UBE2E1: variants seen among roughly 807,000 people sequenced by gnomAD.
UBE2E1 encodes the protein ubiquitin conjugating enzyme E2 E1, also known as ubiquitin-conjugating enzyme E2 E1.
In UBE2E1, 6 loss-of-function variants were observed where a neutral mutation model predicts 21.4. The observed-to-expected ratio is 0.28, with a 90% CI of 0.15 to 0.55. The LOEUF is 0.55. Among genes scored for constraint, UBE2E1 ranks in the 20% least tolerant of loss-of-function variants. UBE2E1 has a pLI of 0.93. For missense variants in UBE2E1, 142 were observed against 236.5 expected (o/e 0.60, Z 2.62); for synonymous variants, 87 against 82.7 (o/e 1.05, Z -0.28).
rs140750673 is a variant in UBE2E1 at position 23,879,528 on chromosome 3, G to T, written c.204-8039G>T. 7.9e-4 allele frequency: 259 copies of T among 327,248 alleles called. 2 individuals are homozygous for T. In the East Asian group the frequency reaches 0.015, roughly 19 times the overall value. The allele number at this position is 327,248 out of a possible 1,614,324, so 20.3% of individuals were successfully genotyped here. On this transcript the variant is annotated intron_variant, in intron 3 of 5. Coordinates refer to ENST00000306627, the MANE Select transcript of UBE2E1 (RefSeq NM_003341.5). ...CCACTGCAAATAAATGTCCCAAATT[G>T]AAATGCTTTCTTCTTGCTTTAGAAC...
At chr3:23,859,903 AG>A (rs1365974825) in intron 3 of UBE2E1, among the ~76,000 whole-genome samples, 1 of 152,210 alleles carries the variant, frequency 6.6e-6, no homozygotes, top group Non-Finnish European at 1.5e-5. Flanking sequence ...ATTATTATAA[AG>A]CATATAAGGA....
At chr3:23,878,274 C>G (rs1269236968) in intron 3 of UBE2E1, among the ~76,000 whole-genome samples, 1 of 150,134 alleles carries the variant, frequency 6.7e-6, no homozygotes, top group Non-Finnish European at 1.5e-5. Context: ...GGCAGACAGG[C>G]AAACCAGGCT....
chr3:23,819,492 A>G (rs1299774725), intron 3 of UBE2E1, among the ~76,000 whole-genome samples: 3 of 152,142 alleles, frequency 2.0e-5, no homozygotes, highest in Admixed American at 1.3e-4. Context: ...ATAGAACTGA[A>G]AAGAAGCAGC....
intron 3 of UBE2E1, among the ~76,000 whole-genome samples, chr3:23,833,259 G>C (rs1699906305): frequency 6.6e-6 from 1 of 152,120 alleles, no homozygotes; most frequent in East Asian, 1.9e-4. Context: ...TGTGTTGCTT[G>C]TTCCTAACCT....
At chr3:23,856,382 T>A (rs1387190311) in intron 3 of UBE2E1, among the ~76,000 whole-genome samples, 1 of 152,222 alleles carries the variant, frequency 6.6e-6, no homozygotes, top group Non-Finnish European at 1.5e-5. Flanking sequence ...TGTTAACCCT[T>A]TCTTAAAACA....
At chr3:23,872,265 C>T (rs1207305005) in intron 3 of UBE2E1, among the ~76,000 whole-genome samples, 3 of 151,358 alleles carry the variant, frequency 2.0e-5, no homozygotes, top group South Asian at 2.1e-4. Flanking sequence ...CACAGGCACT[C>T]GGCAGGCTGA....
chr3:23,862,862 G>C (rs1437046176), intron 3 of UBE2E1, among the ~76,000 whole-genome samples: 1 of 151,852 alleles, frequency 6.6e-6, no homozygotes, highest in East Asian at 1.9e-4. Context: ...AGTAGCTGGG[G>C]CTACAGGCAT....
chr3:23,848,483 C>G (rs1349743071), intron 3 of UBE2E1, among the ~76,000 whole-genome samples: 1 of 145,850 alleles, frequency 6.9e-6, no homozygotes, highest in Non-Finnish European at 1.5e-5. Flanking sequence ...AAAAAAAAAA[C>G]AAAAAACAAA....
rs7651138 is a variant in UBE2E1 at position 23,874,331 on chromosome 3, A to G, written c.204-13236A>G. On this transcript the variant is annotated intron_variant, in intron 3 of 5. Coordinates refer to ENST00000306627, the MANE Select transcript of UBE2E1 (RefSeq NM_003341.5). ...TGTGTGGAGGGTAGAGGTGTTAACA[A>G]TACGTTCTCCCCTCAAAAAGTCTGA... is the stretch of plus-strand genomic sequence containing the variant. Among the ~76,000 whole-genome samples the G allele has an allele frequency of 9.2e-3, 1,397 of 152,290 alleles. 24 individuals are homozygous for G. Among genetic ancestry groups the G allele is most frequent in the African/African-American group, 0.031 (1,305 of 41,546 alleles).
chr3:23,807,001 C>G (rs2125277048), intron 1 of UBE2E1: 1 of 308,430 alleles, frequency 3.2e-6, no homozygotes, highest in South Asian at 1.1e-4. Context: ...GAGGGAGGGG[C>G]CTCTCTCCTA....
chr3:23,828,853 C>G (rs1699808029), intron 3 of UBE2E1, among the ~76,000 whole-genome samples: 1 of 152,210 alleles, frequency 6.6e-6, no homozygotes, highest in Non-Finnish European at 1.5e-5. Flanking sequence ...TTGTCTCACA[C>G]TCTAGTCTGG....
intron 3 of UBE2E1, among the ~76,000 whole-genome samples, chr3:23,832,299 G>A (rs917040457): frequency 6.6e-6 from 1 of 152,214 alleles, no homozygotes; most frequent in East Asian, 1.9e-4. Context: ...TTTTAATAAA[G>A]GAGAAGGGAC....
chr3:23,889,117 A>G lies in UBE2E1; in HGVS notation c.342A>G (p.Thr114=), dbSNP rs368357402. Residue 114 remains threonine (T), a synonymous_variant, in exon 5 of 6, where the codon ACA becomes ACG. Transcript: ENST00000306627. ...CTGTCACTTGTTTTTTTTAGGTTAC[A>G]TTTCGGACAAGAATCTATCATTGTA... ...PEYPFKPPKV[T]FRTRIYHCNI... is the part of the protein sequence containing the mutation. The G allele has an allele frequency of 3.8e-6, 6 of 1,587,814 alleles. No homozygotes were observed. In the African/African-American group the frequency reaches 6.8e-5, roughly 18 times the overall value.
intron 3 of UBE2E1, among the ~76,000 whole-genome samples, chr3:23,855,530 C>A (rs1700415402): frequency 6.6e-6 from 1 of 152,106 alleles, no homozygotes; most frequent in Admixed American, 6.6e-5. Context: ...TAATTGTATG[C>A]ATAGAAATAG....
intron 3 of UBE2E1, among the ~76,000 whole-genome samples, chr3:23,839,566 G>A (rs533447178): frequency 6.6e-6 from 1 of 151,908 alleles, no homozygotes; most frequent in Non-Finnish European, 1.5e-5. Context: ...TATAGTTTCA[G>A]ATATTCACTC....
chr3:23,876,170 T>TG lies in UBE2E1; in HGVS notation c.204-11395dup, dbSNP rs1438505715. On this transcript the variant is annotated intron_variant, in intron 3 of 5. Transcript: ENST00000306627. The surrounding 1 kb of genome is among the most constrained non-coding windows in gnomAD (Gnocchi z 4.3). ...CTTTCCAAGGGATAGTTAACCTGAA[T>TG]GGTACATTCCTCACAGTACCAGAGC... 6.6e-6 allele frequency among the ~76,000 whole-genome samples: 1 copy of TG among 152,228 alleles called. No homozygotes were observed. The highest frequency in any genetic ancestry group is 1.9e-4 in the East Asian group (1 of 5,194).
At chr3:23,848,208 C>T (rs1026670552) in intron 3 of UBE2E1, among the ~76,000 whole-genome samples, 1 of 152,164 alleles carries the variant, frequency 6.6e-6, no homozygotes, top group African/African-American at 2.4e-5. Context: ...ATAGCTGATG[C>T]CTGTAATCAC....
chr3:23,861,305 G>A (rs1276658778), intron 3 of UBE2E1, among the ~76,000 whole-genome samples: 3 of 152,164 alleles, frequency 2.0e-5, no homozygotes, highest in Non-Finnish European at 4.4e-5. Context: ...ACTTATTGAA[G>A]GCTCTAAGTA....
chr3:23,845,814 T>C (rs1030747538), intron 3 of UBE2E1, among the ~76,000 whole-genome samples: 1 of 152,200 alleles, frequency 6.6e-6, no homozygotes, highest in African/African-American at 2.4e-5. Context: ...AAAATGTGGT[T>C]GTGTTCCAAT....
Sources: allele counts gnomAD v4.1 joint callset (sites outside exome capture counted in the v4.1 genomes callset), GRCh38; gene constraint gnomAD v4.1.1; non-coding constraint Gnocchi (gnomAD v3.1); transcripts MANE v1.5; gene names NCBI Gene and HGNC (gene_info 2026-07-23, HGNC 2026-07-21).